Variants in SSBP3 observed in about 807,000 individuals in gnomAD.
The protein encoded by SSBP3 is single-stranded DNA-binding protein 3.
SSBP3 carries 5 observed loss-of-function variants against 69.6 expected under a neutral mutation model. The observed-to-expected ratio is 0.07, with a 90% CI of 0.04 to 0.15. SSBP3 has a LOEUF of 0.15. SSBP3 is among the 10% of genes least tolerant of loss of function. The pLI is 1.00. For missense variants in SSBP3, 312 were observed against 534.0 expected (o/e 0.58, Z 4.10); for synonymous variants, 196 against 193.4 (o/e 1.01, Z -0.11).
At chr1:54,325,079 T>C (rs563521605) in intron 4 of SSBP3, among the ~76,000 whole-genome samples, 1 of 152,258 alleles carries the variant, frequency 6.6e-6, no homozygotes, top group African/African-American at 2.4e-5. Flanking sequence ...ATAAACAAAC[T>C]AAGAGAGTAG....
chr1:54,402,447 T>C (rs1649378630), intron 3 of SSBP3, among the ~76,000 whole-genome samples: 1 of 152,180 alleles, frequency 6.6e-6, no homozygotes, highest in African/African-American at 2.4e-5. Flanking sequence ...TATGCCGCGA[T>C]TTGGAAGACT....
chr1:54,315,944 G>T (rs1480539046), intron 4 of SSBP3, among the ~76,000 whole-genome samples: 1 of 152,136 alleles, frequency 6.6e-6, no homozygotes, highest in Non-Finnish European at 1.5e-5. Flanking sequence ...TTACAGGCAT[G>T]AGCCATTGCA....
intron 4 of SSBP3, among the ~76,000 whole-genome samples, chr1:54,390,743 G>A (rs561745863): frequency 5.3e-5 from 8 of 152,364 alleles, no homozygotes; most frequent in East Asian, 1.9e-4. Context: ...TCACCAGCGC[G>A]GAGATCGTGG....
At chr1:54,389,675 T>C (rs897626507) in intron 4 of SSBP3, among the ~76,000 whole-genome samples, 2 of 151,334 alleles carry the variant, frequency 1.3e-5, no homozygotes, top group Non-Finnish European at 2.9e-5. Flanking sequence ...CTGGGCAACA[T>C]GGCAAACCCT....
At chr1:54,230,416 T>A (rs1269878270) in intron 14 of SSBP3, among the ~76,000 whole-genome samples, 1 of 152,240 alleles carries the variant, frequency 6.6e-6, no homozygotes, top group Non-Finnish European at 1.5e-5. Context: ...ATGTATGTCA[T>A]TACCTTAACA....
At chr1:54,247,952 T>G (rs935046857) in intron 9 of SSBP3, among the ~76,000 whole-genome samples, 2 of 152,132 alleles carry the variant, frequency 1.3e-5, no homozygotes, top group Non-Finnish European at 2.9e-5. Flanking sequence ...AAAACCAGAG[T>G]AAAATCTGTC....
At chr1:54,357,225 G>A (rs1024589312) in intron 4 of SSBP3, among the ~76,000 whole-genome samples, 3 of 152,174 alleles carry the variant, frequency 2.0e-5, no homozygotes, top group Non-Finnish European at 2.9e-5. Context: ...AACCTGGGAC[G>A]CTAATTAAAG....
intron 4 of SSBP3, among the ~76,000 whole-genome samples, chr1:54,315,208 A>AT (rs1395896694): frequency 6.6e-6 from 1 of 152,156 alleles, no homozygotes; most frequent in Admixed American, 6.5e-5. Flanking sequence ...CTCAAGGCCA[A>AT]GGCTCTCTGG....
At chr1:54,286,935 T>C (rs928932320) in intron 4 of SSBP3, 2 of 152,274 alleles carry the variant, frequency 1.3e-5, no homozygotes, top group Non-Finnish European at 2.9e-5. Flanking sequence ...GCAAGTGGAC[T>C]TGACGAGTCC....
At chr1:54,232,851 G>A (rs1480789793) in intron 14 of SSBP3, among the ~76,000 whole-genome samples, 1 of 152,332 alleles carries the variant, frequency 6.6e-6, no homozygotes, top group East Asian at 1.9e-4. Flanking sequence ...CCGAGGTGCC[G>A]GGATTGCAGA....
chr1:54,310,533 T>C (rs958653179), intron 4 of SSBP3, among the ~76,000 whole-genome samples: 4 of 152,178 alleles, frequency 2.6e-5, no homozygotes, highest in African/African-American at 4.8e-5. Flanking sequence ...TCTACCCGCC[T>C]TTTAAAAAGC....
At chr1:54,404,107 CTT>C (rs1279889379) in intron 3 of SSBP3, among the ~76,000 whole-genome samples, 3 of 152,146 alleles carry the variant, frequency 2.0e-5, no homozygotes, top group African/African-American at 7.2e-5. Context: ...CTTTCTTGCT[CTT>C]TCTCAGGGTG....
intron 5 of SSBP3, among the ~76,000 whole-genome samples, chr1:54,271,156 G>C (rs573560682): frequency 1.3e-5 from 2 of 152,322 alleles, no homozygotes; most frequent in African/African-American, 4.8e-5. Context: ...TGTTGCCCAG[G>C]CTGGAGTGCA....
chr1:54,403,785 C>A (rs185077045), intron 3 of SSBP3, among the ~76,000 whole-genome samples: 1 of 152,028 alleles, frequency 6.6e-6, no homozygotes, highest in East Asian at 1.9e-4. Flanking sequence ...CCAGTCAGTC[C>A]CACAAAACAC....
intron 4 of SSBP3, among the ~76,000 whole-genome samples, chr1:54,318,651 G>C (rs143715124): frequency 1.3e-5 from 2 of 152,248 alleles, no homozygotes; most frequent in Non-Finnish European, 2.9e-5. Flanking sequence ...GTAAGGAACA[G>C]GACTGCCAGG....
At chr1:54,241,989 A>T (rs1644647663) in intron 11 of SSBP3, among the ~76,000 whole-genome samples, 175 bp downstream of exon 11, 1 of 151,776 alleles carries the variant, frequency 6.6e-6, no homozygotes, top group Non-Finnish European at 1.5e-5. Context: ...GCCCTTGATG[A>T]CCCCTGCACA....
At chr1:54,314,814 T>C (rs1646066999) in intron 4 of SSBP3, among the ~76,000 whole-genome samples, 1 of 152,156 alleles carries the variant, frequency 6.6e-6, no homozygotes, top group South Asian at 2.1e-4. Context: ...ATGAGGAGGC[T>C]TCCAGTGTCC....
At chr1:54,225,908 G>A (rs1644278247) in exon 18 of SSBP3, 2 of 152,306 alleles carry the variant, frequency 1.3e-5, no homozygotes, top group South Asian at 2.1e-4. Context: ...CTGCTCCAAA[G>A]TCTTTCCATC....
intron 4 of SSBP3, among the ~76,000 whole-genome samples, chr1:54,380,209 G>A (rs939179625): frequency 2.6e-5 from 4 of 152,186 alleles, no homozygotes; most frequent in Non-Finnish European, 4.4e-5. Context: ...AGCAGCGGAC[G>A]CCACTGTTCC....
Sources: gnomAD v4.1 joint callset for allele counts (sites outside exome capture counted in the v4.1 genomes callset) on GRCh38, gnomAD v4.1.1 for gene constraint, MANE v1.5 for transcripts, NCBI Gene and HGNC (gene_info 2026-07-23, HGNC 2026-07-21) for gene names.